Variants in KIAA1328 observed in about 807,000 individuals in gnomAD.
KIAA1328 encodes the protein KIAA1328, also known as protein hinderin.
In KIAA1328, 52 loss-of-function variants were observed where a neutral mutation model predicts 68.1. The ratio of observed to expected loss-of-function variants is 0.76; its 90% confidence interval spans 0.61 to 0.96. The LOEUF (loss-of-function observed/expected upper bound fraction) is 0.96, where lower values mean the gene tolerates loss of function less well. Among genes scored for constraint, KIAA1328 ranks in the 40% least tolerant of loss-of-function variants. KIAA1328 has a pLI of 0.00. For synonymous variants in KIAA1328, 232 were observed against 239.4 expected (o/e 0.97, Z 0.28); for missense variants, 641 against 677.6 (o/e 0.95, Z 0.60).
intron 5 of KIAA1328, among the ~76,000 whole-genome samples, chr18:36,889,439 C>T (rs879372142): frequency 2.2e-4 from 34 of 152,070 alleles, no homozygotes; most frequent in East Asian, 5.8e-4. Flanking sequence ...CAATGGTGAG[C>T]GGTGGTAAAA....
At chr18:37,107,054 G>A (rs560193467) in intron 7 of KIAA1328, among the ~76,000 whole-genome samples, 21 of 152,138 alleles carry the variant, frequency 1.4e-4, no homozygotes, top group African/African-American at 5.1e-4. Context: ...GACCATTCTG[G>A]CCAACATGGT....
At chr18:37,105,128 A>C (rs2057734169) in intron 7 of KIAA1328, among the ~76,000 whole-genome samples, 1 of 152,284 alleles carries the variant, frequency 6.6e-6, no homozygotes, top group African/African-American at 2.4e-5. Flanking sequence ...GATTAACATG[A>C]GTGGGGTTTG....
At chr18:36,911,695 C>T (rs543512449) in intron 5 of KIAA1328, among the ~76,000 whole-genome samples, 19 of 152,282 alleles carry the variant, frequency 1.2e-4, no homozygotes, top group African/African-American at 4.1e-4. Context: ...TTAGATTCAA[C>T]GCAAGTATAT....
intron 8 of KIAA1328, among the ~76,000 whole-genome samples, chr18:37,161,641 T>G (rs2154211686): frequency 6.6e-6 from 1 of 152,350 alleles, no homozygotes; most frequent in East Asian, 1.9e-4. Context: ...AATGGAAAAC[T>G]CTTACCTCAG....
chr18:37,065,557 CTTTT>C (rs1239690800), intron 6 of KIAA1328, among the ~76,000 whole-genome samples: 1 of 152,140 alleles, frequency 6.6e-6, no homozygotes, highest in African/African-American at 2.4e-5. Context: ...CTTGGAGGCC[CTTTT>C]TTGCTGTGCT....
intron 5 of KIAA1328, among the ~76,000 whole-genome samples, chr18:36,893,198 G>A (rs868818206): frequency 3.5e-4 from 53 of 152,192 alleles, no homozygotes; most frequent in African/African-American, 1.2e-3. Context: ...AGAATAAAAT[G>A]AGGCACTCCT....
intron 6 of KIAA1328, among the ~76,000 whole-genome samples, chr18:36,961,809 A>G (rs1348796144): frequency 6.6e-6 from 1 of 152,224 alleles, no homozygotes. Flanking sequence ...AGAGCTCCTG[A>G]AGGGAGCACT....
intron 7 of KIAA1328, among the ~76,000 whole-genome samples, chr18:37,077,084 A>G (rs2056766237): frequency 6.6e-6 from 1 of 151,756 alleles, no homozygotes; most frequent in Non-Finnish European, 1.5e-5. Flanking sequence ...AAAAATCCTC[A>G]ATAAAATACT....
At chr18:36,947,591 A>G (rs1042357000) in intron 5 of KIAA1328, among the ~76,000 whole-genome samples, 2 of 152,174 alleles carry the variant, frequency 1.3e-5, no homozygotes, top group Non-Finnish European at 2.9e-5. Context: ...GTGGAGACCA[A>G]GGTTTTTTGC....
intron 7 of KIAA1328, among the ~76,000 whole-genome samples, chr18:37,108,446 A>C (rs1208176101): frequency 1.3e-5 from 2 of 152,176 alleles, no homozygotes; most frequent in Admixed American, 6.5e-5. Context: ...CTGTACTCCA[A>C]ACCTTAGCCT....
chr18:37,103,508 A>G (rs111434774), intron 7 of KIAA1328, among the ~76,000 whole-genome samples: 4,344 of 152,312 alleles, frequency 0.029, 96 homozygotes, highest in African/African-American at 0.066. Context: ...TCAACTCACA[A>G]TGGATTAAAG....
chr18:36,893,927 G>A (rs1429692739), intron 5 of KIAA1328, among the ~76,000 whole-genome samples: 2 of 152,132 alleles, frequency 1.3e-5, no homozygotes, highest in African/African-American at 2.4e-5. Context: ...TATCCTATTA[G>A]AAGTATTAGT....
chr18:37,094,262 A>G (rs1006421048), intron 7 of KIAA1328, among the ~76,000 whole-genome samples: 2 of 152,154 alleles, frequency 1.3e-5, no homozygotes, highest in African/African-American at 4.8e-5. Context: ...CCAGTGGCTA[A>G]CAGGCCAGAG....
intron 6 of KIAA1328, among the ~76,000 whole-genome samples, chr18:36,987,506 AT>A (rs377503574): frequency 0.02 from 1,503 of 75,898 alleles, 27 homozygotes; most frequent in African/African-American, 0.046. Flanking sequence ...AAATAAATAA[AT>A]AAAAATAAAA....
At chr18:37,131,395 G>A (rs1420611272) in intron 7 of KIAA1328, among the ~76,000 whole-genome samples, 1 of 152,164 alleles carries the variant, frequency 6.6e-6, no homozygotes, top group African/African-American at 2.4e-5. Flanking sequence ...GTGATCCTTT[G>A]ATTCTGTGTT....
chr18:36,935,847 T>G (rs932308592), intron 5 of KIAA1328, among the ~76,000 whole-genome samples: 3 of 152,164 alleles, frequency 2.0e-5, no homozygotes, highest in Admixed American at 1.3e-4. Context: ...TCTTGGCATT[T>G]TAAATTATGT....
chr18:37,168,027 T>A (rs1322566573), intron 8 of KIAA1328, among the ~76,000 whole-genome samples: 2 of 152,120 alleles, frequency 1.3e-5, no homozygotes, highest in African/African-American at 4.8e-5. Flanking sequence ...CATAACTAAG[T>A]GAGATTTAGC....
At chr18:36,888,898 T>C (rs983924454) in intron 5 of KIAA1328, among the ~76,000 whole-genome samples, 1 of 152,196 alleles carries the variant, frequency 6.6e-6, no homozygotes, top group Non-Finnish European at 1.5e-5. Flanking sequence ...AAAATCTGTT[T>C]CTGTGTGAGA....
At chr18:36,856,904 T>C (rs900677103) in intron 4 of KIAA1328, among the ~76,000 whole-genome samples, 1 of 152,196 alleles carries the variant, frequency 6.6e-6, no homozygotes. Context: ...AAAGACTTCC[T>C]TGTCATGTAG....
Sources: allele counts gnomAD v4.1 joint callset (sites outside exome capture counted in the v4.1 genomes callset), GRCh38; gene constraint gnomAD v4.1.1; transcripts MANE v1.5; gene names NCBI Gene and HGNC (gene_info 2026-07-23, HGNC 2026-07-21).